The following DMD variants were observed in gnomAD, a reference collection of about 807,000 sequenced individuals.
The protein encoded by DMD is mutant dystrophin.
Under a neutral mutation model 330.1 loss-of-function variants are expected in DMD, and 63 were observed. The ratio of observed to expected loss-of-function variants is 0.19; its 90% confidence interval spans 0.16 to 0.24. The LOEUF (loss-of-function observed/expected upper bound fraction) is 0.24. DMD is among the 10% of genes least tolerant of loss of function. DMD has a pLI of 1.00. For synonymous variants in DMD, 1,223 were observed against 959.8 expected (o/e 1.27, Z -5.07); for missense variants, 3,344 against 2,684.1 (o/e 1.25, Z -5.43).
chrX:31,773,296 G>C lies in DMD; in HGVS notation c.7542+664C>G, dbSNP rs148703702. ...CTAGGTAAACCATATTTACATCAATGTATTCTAATGTTTCTAGTTGATGTC... is the reference window on the plus strand; with the variant it reads ...CTAGGTAAACCATATTTACATCAATCTATTCTAATGTTTCTAGTTGATGTC... On this transcript the variant is annotated intron_variant, in intron 51 of 78. Transcript: ENST00000357033. Among the ~76,000 whole-genome samples, 1,084 of 111,775 alleles carry C rather than the reference G, an allele frequency of 9.7e-3. 43 individuals are homozygous for C. Among genetic ancestry groups the C allele is most frequent in the Admixed American group, 0.089 (935 of 10,496 alleles).
At chrX:32,733,342 T>C (rs1047966626) in intron 7 of DMD, among the ~76,000 whole-genome samples, 1 of 109,378 alleles carries the variant, frequency 9.1e-6, no homozygotes, top group African/African-American at 3.4e-5. Flanking sequence ...CTGTCAACAT[T>C]AGACAGATCA....
At chrX:31,164,284 G>C (rs1250593415) in intron 74 of DMD, among the ~76,000 whole-genome samples, 1 of 111,096 alleles carries the variant, frequency 9.0e-6, no homozygotes, top group Non-Finnish European at 1.9e-5. Flanking sequence ...ACAAGCATCA[G>C]AGTTCTATCT....
chrX:31,238,029 CTCT>C (rs2047903731), intron 63 of DMD, among the ~76,000 whole-genome samples: 1 of 112,051 alleles, frequency 8.9e-6, no homozygotes. Context: ...CTTGAAAAGA[CTCT>C]TCTTTATCAC....
chrX:32,595,248 T>C (rs2055386536), intron 13 of DMD, among the ~76,000 whole-genome samples: 1 of 111,270 alleles, frequency 9.0e-6, no homozygotes, highest in Admixed American at 9.6e-5. Context: ...TGAAAGCAAG[T>C]AGAAAACAAA....
chrX:31,905,067 A>T (rs2094463209), intron 47 of DMD, among the ~76,000 whole-genome samples: 1 of 111,750 alleles, frequency 8.9e-6, no homozygotes, highest in African/African-American at 3.2e-5. Flanking sequence ...CAATGTCAGA[A>T]AGAAGAAATC....
intron 18 of DMD, among the ~76,000 whole-genome samples, chrX:32,504,181 A>G (rs1046180547): frequency 1.8e-5 from 2 of 112,507 alleles, no homozygotes; most frequent in African/African-American, 6.5e-5. Context: ...TTTTAATTAC[A>G]ATTATTTAAT....
At chrX:32,003,379 G>A (rs952332019) in intron 44 of DMD, among the ~76,000 whole-genome samples, 24 of 112,012 alleles carry the variant, frequency 2.1e-4, no homozygotes, top group African/African-American at 7.1e-4. Context: ...AATGGACAGT[G>A]CTGGAAAATA....
intron 67 of DMD, among the ~76,000 whole-genome samples, chrX:31,193,615 C>G (rs761194516): frequency 9.0e-6 from 1 of 111,308 alleles, no homozygotes; most frequent in Non-Finnish European, 1.9e-5. Context: ...TATAATATGT[C>G]AAAATATCAA....
chrX:32,163,515 T>A (rs914970906), intron 44 of DMD, among the ~76,000 whole-genome samples: 1 of 111,691 alleles, frequency 9.0e-6, no homozygotes, highest in Non-Finnish European at 1.9e-5. Flanking sequence ...GGTGTGACAA[T>A]TAAAGGGTGG....
chrX:31,259,125 A>G (rs913675531), intron 63 of DMD, among the ~76,000 whole-genome samples: 3 of 112,234 alleles, frequency 2.7e-5, no homozygotes, highest in Non-Finnish European at 5.6e-5. Context: ...AACTTCAAAA[A>G]TATGAATAGG....
chrX:33,295,000 G>A (rs1211681262), intron 1 of DMD, among the ~76,000 whole-genome samples: 2 of 110,867 alleles, frequency 1.8e-5, no homozygotes, highest in African/African-American at 3.3e-5. Flanking sequence ...CATGGATTAC[G>A]TTTAGTTTTA....
Position 32,653,795 on chromosome X carries a change from G to A in DMD, c.961-8643C>T, listed in dbSNP as rs373118829. 1.9e-4 allele frequency among the ~76,000 whole-genome samples: 21 copies of A among 111,974 alleles called. 2 individuals are homozygous for A. Among genetic ancestry groups the A allele is most frequent in the Admixed American group, 1.7e-3 (18 of 10,567 alleles). On this transcript the variant is annotated intron_variant, in intron 9 of 78. Transcript: ENST00000357033. ...TTGATTCTTCCTATCCATGAGCATA[G>A]AATGTTCTTCCATTTGTTTGTGTCC...
intron 43 of DMD, among the ~76,000 whole-genome samples, chrX:32,246,791 TG>T (rs1235388962): frequency 1.8e-5 from 2 of 110,828 alleles, no homozygotes; most frequent in African/African-American, 3.3e-5. Context: ...TTTGTATTTC[TG>T]TGGGATCGGT....
At chrX:31,331,136 C>T (rs2057099012) in intron 61 of DMD, among the ~76,000 whole-genome samples, 1 of 111,697 alleles carries the variant, frequency 9.0e-6, no homozygotes, top group Non-Finnish European at 1.9e-5. Context: ...ATCTTTATGG[C>T]TAACTAAAAT....
chrX:32,967,205 T>C (rs984072806), intron 2 of DMD, among the ~76,000 whole-genome samples: 1 of 111,507 alleles, frequency 9.0e-6, no homozygotes, highest in Admixed American at 9.5e-5. Flanking sequence ...ATGTCTAAAA[T>C]TGGATTCCCC....
At chrX:31,787,675 G>A (rs1048944806) in intron 50 of DMD, among the ~76,000 whole-genome samples, 7 of 112,014 alleles carry the variant, frequency 6.2e-5, no homozygotes, top group African/African-American at 1.9e-4. Context: ...GCTATCTTAA[G>A]TTGGTTTGAA....
chrX:33,189,340 C>T (rs1371259597), intron 1 of DMD, among the ~76,000 whole-genome samples: 1 of 111,064 alleles, frequency 9.0e-6, no homozygotes, highest in Admixed American at 9.6e-5. Context: ...TAACAGTATC[C>T]GTGTAACACT....
Position 32,343,296 on chromosome X carries a change from G to A in DMD, c.5587-10C>T, listed in dbSNP as rs886042928. On this transcript the variant is annotated splice_polypyrimidine_tract_variant and intron_variant, in intron 39 of 78. Transcript: ENST00000357033. ...TTTGAGACCTCAAATCCTGTTCATG[G>A]TGCAGACATTATTAAAATATCAATA... 2 of 1,193,806 alleles carry A rather than the reference G, an allele frequency of 1.7e-6. No individual in the cohort carries two copies. The highest frequency in any genetic ancestry group is 2.3e-6 in the Non-Finnish European group (2 of 881,008).
intron 39 of DMD, 118 bp from the exon 40 acceptor site, chrX:32,343,404 T>A: frequency 1.4e-6 from 1 of 697,172 alleles, no homozygotes; most frequent in Non-Finnish European, 2.1e-6. Context: ...TAGGTTAAAA[T>A]CATATTTAAA....
Sources: gnomAD v4.1 joint callset for allele counts (sites outside exome capture counted in the v4.1 genomes callset) on GRCh38, gnomAD v4.1.1 for gene constraint, MANE v1.5 for transcripts, NCBI Gene and HGNC (gene_info 2026-07-23, HGNC 2026-07-21) for gene names.